IMMP2L: variants seen among roughly 807,000 people sequenced by gnomAD.
IMMP2L encodes inner mitochondrial membrane peptidase subunit 2.
A neutral mutation model predicts 19.3 loss-of-function variants in IMMP2L; 18 were observed. That is an observed-to-expected ratio of 0.93 (90% CI 0.64 to 1.38). The LOEUF (loss-of-function observed/expected upper bound fraction) is 1.38. IMMP2L is among the 40% of genes most tolerant of loss of function. The pLI is 0.00. For missense variants in IMMP2L, 233 were observed against 218.2 expected (o/e 1.07, Z -0.43); for synonymous variants, 76 against 73.0 (o/e 1.04, Z -0.21).
At chr7:111,146,621 T>C (rs554592695) in intron 3 of IMMP2L, among the ~76,000 whole-genome samples, 2 of 152,164 alleles carry the variant, frequency 1.3e-5, no homozygotes, top group African/African-American at 4.8e-5. Context: ...TGCTCTATCA[T>C]CTAAATTGTA....
intron 1 of IMMP2L, among the ~76,000 whole-genome samples, chr7:111,539,631 GTT>G (rs1219109921): frequency 7.0e-6 from 1 of 142,634 alleles, no homozygotes. Flanking sequence ...TTTTTATCTG[GTT>G]TTTTTTTTTT....
chr7:110,886,997 T>A (rs1037228945), intron 4 of IMMP2L, among the ~76,000 whole-genome samples: 1 of 152,120 alleles, frequency 6.6e-6, no homozygotes, highest in Admixed American at 6.6e-5. Flanking sequence ...ATTTATGAAA[T>A]CCGGTAAGCC....
chr7:111,062,973 C>T (rs1178876243), intron 3 of IMMP2L, among the ~76,000 whole-genome samples: 2 of 152,218 alleles, frequency 1.3e-5, no homozygotes, highest in Non-Finnish European at 2.9e-5. Context: ...TGCTACCATT[C>T]TGGAGGTCTG....
chr7:110,957,570 CA>C (rs1818483889), intron 4 of IMMP2L, among the ~76,000 whole-genome samples: 1 of 151,924 alleles, frequency 6.6e-6, no homozygotes, highest in African/African-American at 2.4e-5. Context: ...AAAATGAATC[CA>C]AAGTCCTTTC....
intron 3 of IMMP2L, among the ~76,000 whole-genome samples, chr7:111,015,758 G>A (rs763122446): frequency 2.4e-4 from 37 of 151,962 alleles, no homozygotes; most frequent in Admixed American, 8.5e-4. Flanking sequence ...TAAATATTGC[G>A]GACAGTCCCA....
intron 1 of IMMP2L, among the ~76,000 whole-genome samples, chr7:111,552,292 T>G (rs570564396): frequency 6.6e-6 from 1 of 152,224 alleles, no homozygotes; most frequent in Admixed American, 6.5e-5. Flanking sequence ...TTTTGTTTTG[T>G]TTTGTTTTGT....
intron 3 of IMMP2L, among the ~76,000 whole-genome samples, chr7:111,463,233 A>G (rs903881364): frequency 6.6e-6 from 1 of 151,942 alleles, no homozygotes; most frequent in Non-Finnish European, 1.5e-5. Context: ...TACCATTCAT[A>G]TTGGATTAGG....
At chr7:111,196,358 C>T (rs1366630318) in intron 3 of IMMP2L, among the ~76,000 whole-genome samples, 1 of 151,938 alleles carries the variant, frequency 6.6e-6, no homozygotes, top group Non-Finnish European at 1.5e-5. Flanking sequence ...CAGAATCAAA[C>T]GATAAAAATC....
intron 4 of IMMP2L, among the ~76,000 whole-genome samples, chr7:110,894,391 C>T (rs1811116350): frequency 6.6e-6 from 1 of 152,174 alleles, no homozygotes; most frequent in South Asian, 2.1e-4. Flanking sequence ...CACATCTCAC[C>T]AGCACTTGAT....
intron 3 of IMMP2L, among the ~76,000 whole-genome samples, chr7:111,427,400 G>A (rs138012200): frequency 6.6e-6 from 1 of 151,746 alleles, no homozygotes; most frequent in East Asian, 1.9e-4. Flanking sequence ...ACTGGACAGT[G>A]CATTATAAAA....
chr7:111,460,093 C>G (rs557251382), intron 3 of IMMP2L, among the ~76,000 whole-genome samples: 3 of 152,156 alleles, frequency 2.0e-5, no homozygotes, highest in African/African-American at 7.2e-5. Context: ...GCTGTGTGGG[C>G]TGAGATGTCA....
chr7:110,666,270 T>C (rs1027544495), intron 5 of IMMP2L, among the ~76,000 whole-genome samples: 1 of 127,852 alleles, frequency 7.8e-6, no homozygotes, highest in Admixed American at 7.1e-5. Context: ...GTTTCTTGTT[T>C]GTTTGTTTGT....
chr7:111,300,439 T>A (rs527593928), intron 3 of IMMP2L, among the ~76,000 whole-genome samples: 1 of 152,256 alleles, frequency 6.6e-6, no homozygotes, highest in Non-Finnish European at 1.5e-5. Flanking sequence ...TTGTAAGAAA[T>A]AATACATAGA....
intron 3 of IMMP2L, among the ~76,000 whole-genome samples, chr7:111,026,011 T>G (rs1285087383): frequency 1.4e-5 from 2 of 147,092 alleles, no homozygotes; most frequent in Admixed American, 1.4e-4. Context: ...TTGCTAATAT[T>G]AAACACACAC....
intron 2 of IMMP2L, among the ~76,000 whole-genome samples, chr7:111,503,320 A>T (rs1844505475): frequency 6.6e-6 from 1 of 152,192 alleles, no homozygotes; most frequent in South Asian, 2.1e-4. Flanking sequence ...AAATTGTGGC[A>T]ATAATCAATA....
intron 4 of IMMP2L, among the ~76,000 whole-genome samples, chr7:110,950,657 C>T (rs1257573272): frequency 2.0e-5 from 3 of 151,110 alleles, no homozygotes. Context: ...TCACAATAGC[C>T]AAGATATAGA....
chr7:111,549,898 G>A (rs932229183), intron 1 of IMMP2L, among the ~76,000 whole-genome samples: 16 of 149,134 alleles, frequency 1.1e-4, no homozygotes, highest in Middle Eastern at 3.4e-3. Flanking sequence ...CCGAGATCAC[G>A]TCATAGCACT....
chr7:110,669,806 T>C (rs1489631804), intron 5 of IMMP2L, among the ~76,000 whole-genome samples: 1 of 152,196 alleles, frequency 6.6e-6, no homozygotes, highest in Non-Finnish European at 1.5e-5. Flanking sequence ...TCATTCATCA[T>C]CCAAATGAAA....
chr7:111,308,529 A>C (rs968346264), intron 3 of IMMP2L, among the ~76,000 whole-genome samples: 4 of 151,944 alleles, frequency 2.6e-5, no homozygotes, highest in African/African-American at 4.8e-5. Flanking sequence ...AAAAGTTTCT[A>C]GGCAGAAAAA....
Sources: gnomAD v4.1 joint callset for allele counts (sites outside exome capture counted in the v4.1 genomes callset) on GRCh38, gnomAD v4.1.1 for gene constraint, MANE v1.5 for transcripts, NCBI Gene and HGNC (gene_info 2026-07-23, HGNC 2026-07-21) for gene names.